NEMP1: variants seen among roughly 807,000 people sequenced by gnomAD.
The protein encoded by NEMP1 is transmembrane protein 194.
Under a neutral mutation model 53.7 loss-of-function variants are expected in NEMP1, and 29 were observed. The ratio of observed to expected loss-of-function variants is 0.54; its 90% CI spans 0.40 to 0.74. The LOEUF (loss-of-function observed/expected upper bound fraction) is 0.74. Among genes scored for constraint, NEMP1 ranks in the 30% least tolerant of loss-of-function variants. NEMP1 has a pLI of 0.00. For synonymous variants in NEMP1, 193 were observed against 192.9 expected, an observed-to-expected ratio of 1.00 and a Z score of 0.00; for missense variants, 477 against 528.6, an observed-to-expected ratio of 0.90 and a Z score of 0.96.
chr12:57,086,513 C>G (rs2032997012), intron 1 of NEMP1, among the ~76,000 whole-genome samples: 1 of 85,998 alleles, frequency 1.2e-5, no homozygotes, highest in Non-Finnish European at 2.4e-5. Context: ...TCCCCACTCC[C>G]TTTTTGTCAC....
chr12:57,057,806 TAA>T lies in NEMP1; in HGVS notation c.*2071_*2072del, dbSNP rs1592493704. ...ATTTCACAGTGCTTTCTCATTGAAATAAAGACATGATCAGGAAAAGTCACCCT... is the reference window on the plus strand; with the variant it reads ...ATTTCACAGTGCTTTCTCATTGAAATAGACATGATCAGGAAAAGTCACCCT... On this transcript the variant is annotated 3_prime_UTR_variant, in exon 9 of 9. Coordinates refer to ENST00000300128, the MANE Select transcript of NEMP1 (RefSeq NM_001130963.2). 1 of 152,130 alleles carries T rather than the reference TAA, an allele frequency of 6.6e-6. No individual in the cohort carries two copies. The highest frequency in any genetic ancestry group is 6.5e-5 in the Admixed American group (1 of 15,272). The allele number at this position is 152,130 out of a possible 1,614,324, so 9.4% of individuals were successfully genotyped here.
At chr12:57,062,994 G>A in intron 7 of NEMP1, 125 bp downstream of exon 7, 4 of 661,054 alleles carry the variant, frequency 6.1e-6, no homozygotes, top group Non-Finnish European at 1.0e-5. Flanking sequence ...GAACAAAAGT[G>A]GAAGTACAAT....
chr12:57,080,503 C>T (rs2032814273), upstream of NEMP1, among the ~76,000 whole-genome samples: 3 of 150,972 alleles, frequency 2.0e-5, no homozygotes, highest in Admixed American at 2.0e-4. Context: ...CCCTTGAACC[C>T]AGGAGGCGGA....
At chr12:57,067,945 T>A (rs1205565001) in intron 4 of NEMP1, among the ~76,000 whole-genome samples, 1 of 151,956 alleles carries the variant, frequency 6.6e-6, no homozygotes, top group East Asian at 1.9e-4. Flanking sequence ...AATTTTTGTA[T>A]TTTTTTGTAG....
chr12:57,086,676 G>C (rs2033004114), intron 1 of NEMP1, among the ~76,000 whole-genome samples: 1 of 152,190 alleles, frequency 6.6e-6, no homozygotes, highest in African/African-American at 2.4e-5. Flanking sequence ...GGGGGTGGCA[G>C]GAGTGGGCGG....
At chr12:57,064,215 A>G in intron 5 of NEMP1, 30 bp from the exon 6 acceptor site, 3 of 1,415,742 alleles carry the variant, frequency 2.1e-6, no homozygotes, top group Non-Finnish European at 2.9e-6. Context: ...TGAAAGCAAA[A>G]AGTTACAACA....
At chr12:57,082,212 CA>C (rs1170323204), upstream of NEMP1, among the ~76,000 whole-genome samples, 2 of 152,088 alleles carry the variant, frequency 1.3e-5, no homozygotes, top group Non-Finnish European at 2.9e-5. Context: ...GAGTAAGACT[CA>C]GTCTAAACAA....
chr12:57,082,841 G>A (rs1050343021), upstream of NEMP1, among the ~76,000 whole-genome samples: 3 of 151,258 alleles, frequency 2.0e-5, no homozygotes, highest in Admixed American at 6.6e-5. Flanking sequence ...GTGAAACCCC[G>A]TCTCTACAAA....
intron 7 of NEMP1, among the ~76,000 whole-genome samples, chr12:57,061,296 A>T (rs937718251): frequency 6.6e-6 from 1 of 152,264 alleles, no homozygotes; most frequent in Non-Finnish European, 1.5e-5. Context: ...ATTATAGTCA[A>T]TATTATTCAC....
At chr12:57,081,067 C>G, upstream of NEMP1, among the ~76,000 whole-genome samples, 1 of 152,004 alleles carries the variant, frequency 6.6e-6, no homozygotes, top group East Asian at 1.9e-4. Flanking sequence ...TACTATGTAC[C>G]CTTGATAACA....
chr12:57,064,636 T>C lies in NEMP1; in HGVS notation c.639+10A>G, dbSNP rs202119741. 2.5e-5 allele frequency: 40 copies of C among 1,591,588 alleles called. No homozygotes were observed. Among genetic ancestry groups the C allele is most frequent in the African/African-American group, 5.4e-5 (4 of 74,068 alleles). ...TCATTCTAGCTGCACATGAAGATTC[T>C]GATACTTACCTTAGGCATAAACTTA... On this transcript the variant is annotated intron_variant, in intron 5 of 8. Transcript: ENST00000300128.
chr12:57,084,009 C>T (rs571889081), intron 1 of NEMP1, among the ~76,000 whole-genome samples: 1 of 151,560 alleles, frequency 6.6e-6, no homozygotes, highest in African/African-American at 2.4e-5. Flanking sequence ...GTCACCCAGG[C>T]TGGAGTGCGA....
At chr12:57,080,608 G>C (rs963650234), upstream of NEMP1, among the ~76,000 whole-genome samples, 16 of 150,876 alleles carry the variant, frequency 1.1e-4, no homozygotes, top group African/African-American at 3.9e-4. Flanking sequence ...AGTCAAAATG[G>C]GCTGGGCATG....
In NEMP1 at chr12:57,063,176, A is replaced by G. The variant is rs777971694; in HGVS notation, c.923T>C (p.Ile308Thr). Reference sequence around the variant, plus strand: ...TTCCAGGTTCTTAGTACAAAGAGCAATGATGATAATGGCAAGGGCAATATG... The same window carrying G: ...TTCCAGGTTCTTAGTACAAAGAGCAGTGATGATAATGGCAAGGGCAATATG... ...IPHIALAIIIIALCTKNLEHP... is the reference protein window; with the variant it reads ...IPHIALAIIITALCTKNLEHP... Residue 308 changes from isoleucine to threonine, a missense_variant, in exon 7 of 9, where the codon ATT becomes ACT. Physicochemically the swap from Ile to Thr is moderately conservative, Grantham distance 89. Coordinates refer to ENST00000300128, the MANE Select transcript of NEMP1 (RefSeq NM_001130963.2). 2.3e-5 allele frequency: 37 copies of G among 1,614,076 alleles called. No homozygotes were observed. Among genetic ancestry groups the G allele is most frequent in the Middle Eastern group, 1.6e-4 (1 of 6,084 alleles).
In NEMP1 at chr12:57,058,142, A is replaced by T. The variant is rs991597924; in HGVS notation, c.*1737T>A. The T allele has an allele frequency of 6.6e-6, 1 of 151,840 alleles. No individual in the cohort carries two copies. 9.4% of individuals were successfully genotyped at this position (151,840 alleles called of 1,614,324 possible). On this transcript the variant is annotated 3_prime_UTR_variant, in exon 9 of 9. Transcript: ENST00000300128. ...TACTGCTCATTTTTCACTTTCTACTATATGTCTCTTTCCTGCCAACTGAGG... is the reference window on the plus strand; with the variant it reads ...TACTGCTCATTTTTCACTTTCTACTTTATGTCTCTTTCCTGCCAACTGAGG...
Position 57,084,449 on chromosome 12 carries a change from C to G in NEMP1, n.113+3502G>C, listed in dbSNP as rs1267730708. On this transcript the variant is annotated intron_variant and non_coding_transcript_variant, in intron 1 of 2. Coordinates refer to the NEMP1 transcript ENST00000553654. ...CATTCTCTCCTCTCAACCCCTCAGC[C>G]AATCAATCAAGTCCTGTCGATCTTA... Among the ~76,000 whole-genome samples the G allele has an allele frequency of 5.9e-5, 9 of 152,260 alleles. 1 individual carries two copies. The South Asian group carries it at 1.7e-3, about 28-fold the overall frequency.
intron 1 of NEMP1, among the ~76,000 whole-genome samples, chr12:57,075,037 C>A (rs533185511): frequency 6.6e-6 from 1 of 151,480 alleles, no homozygotes; most frequent in Non-Finnish European, 1.5e-5. Context: ...TGCAGTGAGC[C>A]GAGATCGCGC....
At position 57,078,781 on chromosome 12, in the gene NEMP1, C is replaced by A. The variant is rs770803164; in HGVS notation, c.-36G>T. ...AGCCACCTCCTCCTCACGTGCCTTA[C>A]CCCAGCAACTAACTCCGAACGGGCA... On this transcript the variant is annotated 5_prime_UTR_variant, in exon 1 of 9. Transcript: ENST00000300128. 4 of 1,588,952 alleles carry A rather than the reference C, an allele frequency of 2.5e-6. No individual in the cohort carries two copies. The highest frequency in any genetic ancestry group is 8.6e-7 in the Non-Finnish European group (1 of 1,164,380).
chr12:57,069,195 A>G, intron 4 of NEMP1, 39 bp downstream of exon 4: 2 of 1,406,258 alleles, frequency 1.4e-6, no homozygotes, highest in Non-Finnish European at 1.9e-6. Context: ...CAGGATAGGT[A>G]TGAGCCGTTT....
Sources: gnomAD v4.1 joint callset for allele counts (sites outside exome capture counted in the v4.1 genomes callset) on GRCh38, gnomAD v4.1.1 for gene constraint, MANE v1.5 for transcripts, NCBI Gene and HGNC (gene_info 2026-07-23, HGNC 2026-07-21) for gene names.